Variants in TOR1AIP2 observed in about 807,000 individuals in gnomAD.
The protein encoded by TOR1AIP2 is torsin-1A-interacting protein 2.
In TOR1AIP2, 20 loss-of-function variants were observed where a neutral mutation model predicts 32.6. That is an observed-to-expected ratio of 0.61 (90% CI 0.43 to 0.89). The LOEUF is 0.89. Among genes scored for constraint, TOR1AIP2 ranks in the 40% least tolerant of loss-of-function variants. The pLI is 0.00. For synonymous variants in TOR1AIP2, 214 were observed against 210.8 expected, an observed-to-expected ratio of 1.02 and a Z score of -0.13; for missense variants, 456 against 553.8, an observed-to-expected ratio of 0.82 and a Z score of 1.77.
intron 4 of TOR1AIP2, among the ~76,000 whole-genome samples, chr1:179,851,956 G>A (rs555578682): frequency 6.6e-6 from 1 of 152,258 alleles, no homozygotes; most frequent in African/African-American, 2.4e-5. Context: ...CCCAGCACGT[G>A]GGAAATTCCA....
In TOR1AIP2 at chr1:179,843,820, C is replaced by CAAAAAAAAAAAAA. The variant is rs397754674; in HGVS notation, c.*2238_*2250dup. The CAAAAAAAAAAAAA allele has an allele frequency of 1.8e-5, 1 of 55,500 alleles. No homozygotes were observed. The highest frequency in any genetic ancestry group is 5.6e-5 in the African/African-American group (1 of 17,854). The allele number at this position is 55,500 out of a possible 1,614,324, so 3.4% of individuals were successfully genotyped here. On this transcript the variant is annotated 3_prime_UTR_variant, in exon 7 of 7. Transcript: ENST00000609928. ...TGGGAGTCAGAGTGAGACTCCATCT[C>CAAAAAAAAAAAAA]AAAAAAAAAAAAAAAAAAAAAAGAC... is the stretch of plus-strand genomic sequence containing the variant.
At position 179,846,366 on chromosome 1, in the gene TOR1AIP2, C is replaced by A. The variant is rs763947376; in HGVS notation, c.1118G>T (p.Gly373Val). ...ATACTTATAGAAGATCAAAGTGGAGCCGGCAGGGAAGGATTCGAAGTGGTG... is the reference window on the plus strand; with the variant it reads ...ATACTTATAGAAGATCAAAGTGGAGACGGCAGGGAAGGATTCGAAGTGGTG... ...VVHHFESFPA[G>V]STLIFYKYCD... Residue 373 changes from glycine (G) to valine (V), a missense_variant, in exon 7 of 7, where the codon GGC (glycine) becomes GTC (valine). By Grantham distance (109) the Gly-to-Val change is moderately radical (BLOSUM62 -3). Coordinates refer to ENST00000609928, the MANE Select transcript of TOR1AIP2 (RefSeq NM_001199260.2). 1.9e-6 allele frequency: 3 copies of A among 1,614,162 alleles called. No individual in the cohort carries two copies. The highest frequency in any genetic ancestry group is 2.2e-5 in the South Asian group (2 of 91,082).
chr1:179,863,715 A>T (rs1696651002), intron 3 of TOR1AIP2: 1 of 976,582 alleles, frequency 1.0e-6, no homozygotes, highest in Non-Finnish European at 1.2e-6. Context: ...CGCAAGGGGG[A>T]AGGACACAAA....
intron 2 of TOR1AIP2, 86 bp downstream of exon 2, chr1:179,877,153 A>C (rs1647389936): frequency 1.3e-5 from 2 of 152,190 alleles, no homozygotes; most frequent in Non-Finnish European, 1.5e-5. Context: ...GTCTAAACCC[A>C]AAAATTTACT....
At position 179,860,319 on chromosome 1, in the gene TOR1AIP2, C is replaced by T. The variant is rs913986086; in HGVS notation, c.-147+5117G>A. 6.1e-5 allele frequency: 47 copies of T among 768,160 alleles called. No individual in the cohort carries two copies. The African/African-American group carries it at 8.1e-4, about 13-fold the overall frequency. The allele number at this position is 768,160 out of a possible 1,614,324, so 47.6% of individuals were successfully genotyped here. A position where few individuals can be genotyped will look rare whatever the true frequency, so the allele number is the denominator to read the frequency against. On this transcript the variant is annotated intron_variant, in intron 3 of 6. Coordinates refer to ENST00000609928, the MANE Select transcript of TOR1AIP2 (RefSeq NM_001199260.2). ...GCAACATGGCGATACTCCATCTCTA[C>T]AAAAATAAAAAAATTAGCTGGGCAT...
intron 5 of TOR1AIP2, among the ~76,000 whole-genome samples, chr1:179,850,546 TAA>T (rs1362656595): frequency 6.6e-6 from 1 of 152,268 alleles, no homozygotes; most frequent in Admixed American, 6.5e-5. Flanking sequence ...GCGAATTTTT[TAA>T]AAGTCATGCC....
chr1:179,852,456 C>T (rs568980097), intron 4 of TOR1AIP2, among the ~76,000 whole-genome samples, 176 bp downstream of exon 4: 4 of 152,148 alleles, frequency 2.6e-5, no homozygotes, highest in Admixed American at 6.5e-5. Flanking sequence ...ATTAGGGTCT[C>T]GCATTATAGT....
chr1:179,860,295 C>G (rs925792498), intron 3 of TOR1AIP2: 30 of 806,006 alleles, frequency 3.7e-5, no homozygotes, highest in Non-Finnish European at 4.5e-5. Flanking sequence ...CCAGCTTGGG[C>G]AACATGGCGA....
At chr1:179,863,578 C>T (rs532874844) in intron 3 of TOR1AIP2, 307 of 983,478 alleles carry the variant, frequency 3.1e-4, no homozygotes, top group Non-Finnish European at 3.5e-4. Context: ...CCTGTAATCC[C>T]AGCACCTTGG....
intron 3 of TOR1AIP2, among the ~76,000 whole-genome samples, chr1:179,853,847 G>C (rs1016224482): frequency 3.9e-5 from 6 of 152,196 alleles, no homozygotes; most frequent in Admixed American, 2.0e-4. Flanking sequence ...GGGAAGAGAA[G>C]AGTTAGGGAC....
intron 3 of TOR1AIP2, among the ~76,000 whole-genome samples, chr1:179,856,655 C>T (rs1053292677): frequency 5.3e-5 from 8 of 152,116 alleles, no homozygotes; most frequent in Non-Finnish European, 1.0e-4. Context: ...TCTCACTCTT[C>T]GCATAGGCTG....
intron 3 of TOR1AIP2, among the ~76,000 whole-genome samples, chr1:179,855,155 A>T (rs182752791): frequency 1.3e-5 from 2 of 152,368 alleles, no homozygotes; most frequent in East Asian, 3.9e-4. Context: ...AACTTTGAGA[A>T]TATCAAATAT....
intron 3 of TOR1AIP2, among the ~76,000 whole-genome samples, chr1:179,853,352 T>C (rs1696184993): frequency 6.6e-6 from 1 of 152,200 alleles, no homozygotes; most frequent in Non-Finnish European, 1.5e-5. Context: ...TTTTGTAAAA[T>C]ATGGAGACAG....
intron 3 of TOR1AIP2, chr1:179,862,397 T>C (rs945748081): frequency 1.0e-5 from 10 of 984,438 alleles, no homozygotes; most frequent in African/African-American, 1.7e-5. Context: ...ATAGTGAAAT[T>C]CTTCATTAAA....
chr1:179,861,875 T>C (rs1696547768), intron 3 of TOR1AIP2: 3 of 948,200 alleles, frequency 3.2e-6, no homozygotes, highest in African/African-American at 3.5e-5. Context: ...TGTTTTTTTT[T>C]CTTGAAAGAG....
chr1:179,846,519 G>A lies in TOR1AIP2; in HGVS notation c.965C>T (p.Ser322Phe). The change falls in exon 7 of 7, where the codon TCC (serine) becomes TTC (phenylalanine). Residue 322 changes from serine to phenylalanine, a missense_variant. Ser to Phe is a radical substitution (Grantham distance 155). Coordinates refer to ENST00000609928, the MANE Select transcript of TOR1AIP2 (RefSeq NM_001199260.2). Reference sequence around the variant, plus strand: ...AATCTGAATGGGAGAGACTTTCTGGGAAGAGGTGTAGGCATCTGCAACATG... The same window carrying A: ...AATCTGAATGGGAGAGACTTTCTGGAAAGAGGTGTAGGCATCTGCAACATG... ...SHHVADAYTSSQKVSPIQIDG... is the reference protein window; with the variant it reads ...SHHVADAYTSFQKVSPIQIDG... The A allele has an allele frequency of 6.2e-7, 1 of 1,614,134 alleles. No individual in the cohort carries two copies. The highest frequency in any genetic ancestry group is 8.5e-7 in the Non-Finnish European group (1 of 1,180,020).
In TOR1AIP2 at chr1:179,859,060, C is replaced by T. The variant is rs918052590; in HGVS notation, c.-146-6249G>A. On this transcript the variant is annotated intron_variant, in intron 3 of 6. Transcript: ENST00000609928. ...TTAAGTATATATCTTTATTTTTAAA[C>T]ACAATTTTATTTTAGTGAATGATGC... 1.2e-5 allele frequency: 12 copies of T among 983,336 alleles called. No individual in the cohort carries two copies. The African/African-American group carries it at 1.6e-4, about 13-fold the overall frequency. The allele number at this position is 983,336 out of a possible 1,614,324, so 60.9% of individuals were successfully genotyped here.
chr1:179,862,500 A>G lies in TOR1AIP2; in HGVS notation c.-147+2936T>C, dbSNP rs569882425. The G allele has an allele frequency of 9.1e-6, 9 of 985,418 alleles. No homozygotes were observed. The East Asian group carries it at 9.1e-4, about 99-fold the overall frequency. The allele number at this position is 985,418 out of a possible 1,614,324, so 61.0% of individuals were successfully genotyped here. ...CAGGAGAGAACCTCCATTGTAAGAG[A>G]CATAAGGCAGATACAGGGTGCATCT... On this transcript the variant is annotated intron_variant, in intron 3 of 6. Coordinates refer to ENST00000609928, the MANE Select transcript of TOR1AIP2 (RefSeq NM_001199260.2).
intron 5 of TOR1AIP2, among the ~76,000 whole-genome samples, chr1:179,849,104 C>T (rs1355830207): frequency 6.6e-6 from 1 of 151,906 alleles, no homozygotes; most frequent in Non-Finnish European, 1.5e-5. Flanking sequence ...CCACTGCAGT[C>T]CGGCCTGGGC....
Sources: gnomAD v4.1 joint callset for allele counts (sites outside exome capture counted in the v4.1 genomes callset) on GRCh38, gnomAD v4.1.1 for gene constraint, MANE v1.5 for transcripts, NCBI Gene and HGNC (gene_info 2026-07-23, HGNC 2026-07-21) for gene names.